The following OGDH variants were observed in gnomAD, a reference collection of about 807,000 sequenced individuals.
OGDH encodes 2-oxoglutarate dehydrogenase complex component E1.
Under a neutral mutation model 116.6 loss-of-function variants are expected in OGDH, and 38 were observed. That is an observed-to-expected ratio of 0.33 (90% CI 0.25 to 0.43). OGDH has a LOEUF of 0.43. OGDH is among the 20% of genes least tolerant of loss of function. OGDH has a pLI of 1.00. For synonymous variants in OGDH, 488 were observed against 533.3 expected (o/e 0.92, Z 1.17); for missense variants, 825 against 1,357.2 (o/e 0.61, Z 6.16).
chr7:44,620,250 A>G (rs1784961551), intron 1 of OGDH, among the ~76,000 whole-genome samples: 1 of 152,192 alleles, frequency 6.6e-6, no homozygotes, highest in Admixed American at 6.5e-5. Context: ...CGAACCCCTG[A>G]CCTCAAGTGA....
intron 3 of OGDH, among the ~76,000 whole-genome samples, chr7:44,645,946 T>C (rs1247459025): frequency 6.6e-6 from 1 of 151,948 alleles, no homozygotes; most frequent in Non-Finnish European, 1.5e-5. Flanking sequence ...AACCATACTA[T>C]AGAGTTTGGG....
intron 2 of OGDH, among the ~76,000 whole-genome samples, chr7:44,632,512 C>T (rs1785484615): frequency 6.6e-6 from 1 of 152,042 alleles, no homozygotes; most frequent in Non-Finnish European, 1.5e-5. Context: ...TTTTTTTGCC[C>T]AGGCTGGTCT....
intron 9 of OGDH, among the ~76,000 whole-genome samples, chr7:44,679,330 G>A (rs1305486462): frequency 1.3e-5 from 2 of 152,174 alleles, no homozygotes; most frequent in African/African-American, 2.4e-5. Flanking sequence ...CCTGGGCATC[G>A]TAGCAAAGCT....
At chr7:44,662,390 T>G (rs574269704) in intron 4 of OGDH, among the ~76,000 whole-genome samples, 1 of 152,276 alleles carries the variant, frequency 6.6e-6, no homozygotes, top group South Asian at 2.1e-4. Flanking sequence ...AAGATTCTGG[T>G]TAGACATAAT....
At chr7:44,643,958 A>G (rs990235517) in intron 2 of OGDH, among the ~76,000 whole-genome samples, 4 of 152,216 alleles carry the variant, frequency 2.6e-5, no homozygotes, top group East Asian at 3.8e-4. Flanking sequence ...TGTAATCCCA[A>G]CACTTTGGGA....
chr7:44,702,623 C>T lies in OGDH; in HGVS notation c.2632+1008C>T, dbSNP rs141585178. Among the ~76,000 whole-genome samples the T allele has an allele frequency of 7.9e-5, 12 of 152,050 alleles. No individual in the cohort carries two copies. The East Asian group carries it at 1.5e-3, about 20-fold the overall frequency. On this transcript the variant is annotated intron_variant, in intron 20 of 22. Transcript: ENST00000222673. ...TTTATTTATTTTTGAGACGGAGTCT[C>T]GCTCTATCGCTCAGGCTGGAGTGTG... is the stretch of plus-strand genomic sequence containing the variant.
chr7:44,705,295 G>T (rs916018461), intron 20 of OGDH, among the ~76,000 whole-genome samples: 27 of 150,406 alleles, frequency 1.8e-4, no homozygotes, highest in African/African-American at 6.1e-4. Flanking sequence ...CTCGTGATCC[G>T]CCCGCCTCGG....
At chr7:44,625,991 G>A (rs952189019) in intron 2 of OGDH, among the ~76,000 whole-genome samples, 2 of 151,918 alleles carry the variant, frequency 1.3e-5, no homozygotes, top group African/African-American at 2.4e-5. Flanking sequence ...AAAAGAAGGT[G>A]GGGGGCGGGT....
intron 5 of OGDH, among the ~76,000 whole-genome samples, chr7:44,670,732 T>C (rs10951769): frequency 0.56 from 85,410 of 151,962 alleles, 24,174 homozygotes; most frequent in East Asian, 0.68. Flanking sequence ...TTTGTGGGGC[T>C]GGGCGTGGTG....
At chr7:44,665,295 A>G (rs535404124) in intron 4 of OGDH, among the ~76,000 whole-genome samples, 2 of 152,074 alleles carry the variant, frequency 1.3e-5, no homozygotes, top group Non-Finnish European at 2.9e-5. Flanking sequence ...TAAAAAAAAA[A>G]AAAAAAAAAA....
chr7:44,612,337 T>C (rs899203087), intron 1 of OGDH, among the ~76,000 whole-genome samples: 1 of 152,184 alleles, frequency 6.6e-6, no homozygotes, highest in African/African-American at 2.4e-5. Context: ...GATTGATTTC[T>C]CTCACTTCTT....
chr7:44,640,734 G>C (rs1266105377), intron 2 of OGDH, among the ~76,000 whole-genome samples: 1 of 152,116 alleles, frequency 6.6e-6, no homozygotes, highest in Non-Finnish European at 1.5e-5. Context: ...TACTTACTGG[G>C]TTTGAGGGTC....
chr7:44,659,699 G>C (rs531097894), intron 4 of OGDH, among the ~76,000 whole-genome samples: 1 of 152,104 alleles, frequency 6.6e-6, no homozygotes, highest in Non-Finnish European at 1.5e-5. Flanking sequence ...CCTTATTTTT[G>C]ATAGTCATTT....
At chr7:44,664,990 C>T (rs978538003) in intron 4 of OGDH, among the ~76,000 whole-genome samples, 4 of 152,120 alleles carry the variant, frequency 2.6e-5, no homozygotes, top group Non-Finnish European at 4.4e-5. Context: ...TACACTGGAC[C>T]GATATAGTTT....
chr7:44,640,814 G>T (rs751141527), intron 2 of OGDH, among the ~76,000 whole-genome samples: 12 of 152,120 alleles, frequency 7.9e-5, no homozygotes, highest in Non-Finnish European at 1.5e-4. Context: ...CTTGGGGTGC[G>T]GGTCACATGG....
At chr7:44,613,310 G>A (rs1236453785) in intron 1 of OGDH, among the ~76,000 whole-genome samples, 1 of 152,022 alleles carries the variant, frequency 6.6e-6, no homozygotes, top group Non-Finnish European at 1.5e-5. Flanking sequence ...TGAGTAACTG[G>A]GACTATAGGC....
intron 2 of OGDH, among the ~76,000 whole-genome samples, chr7:44,644,130 G>A (rs1201481728): frequency 2.0e-5 from 3 of 152,302 alleles, no homozygotes; most frequent in East Asian, 1.9e-4. Context: ...ACTTGAACCC[G>A]GGAGGTGGAG....
intron 18 of OGDH, among the ~76,000 whole-genome samples, chr7:44,699,261 A>G (rs1422233414): frequency 6.6e-6 from 1 of 152,058 alleles, no homozygotes; most frequent in Non-Finnish European, 1.5e-5. Context: ...CCCCGTCTCT[A>G]CTAAAAATAC....
intron 4 of OGDH, among the ~76,000 whole-genome samples, chr7:44,662,363 A>T (rs1786982279): frequency 2.0e-5 from 3 of 151,914 alleles, no homozygotes; most frequent in Non-Finnish European, 2.9e-5. Flanking sequence ...TTCCTACAGG[A>T]CATTTTTGGT....
Sources: allele counts gnomAD v4.1 joint callset (sites outside exome capture counted in the v4.1 genomes callset), GRCh38; gene constraint gnomAD v4.1.1; transcripts MANE v1.5; gene names NCBI Gene and HGNC (gene_info 2026-07-23, HGNC 2026-07-21).